The following FGF1 variants were observed in gnomAD, a reference collection of about 807,000 sequenced individuals.
FGF1 encodes beta-endothelial cell growth factor.
Under a neutral mutation model 13.4 loss-of-function variants are expected in FGF1, and 9 were observed. The ratio of observed to expected loss-of-function variants is 0.67; its 90% confidence interval spans 0.40 to 1.17. The LOEUF (loss-of-function observed/expected upper bound fraction) is 1.17. FGF1 is among the 50% of genes most tolerant of loss of function. The pLI, the probability that FGF1 is intolerant of heterozygous loss-of-function variation, is 0.01. For missense variants in FGF1, 156 were observed against 192.7 expected, an observed-to-expected ratio of 0.81 and a Z score of 1.13; for synonymous variants, 93 against 79.0, an observed-to-expected ratio of 1.18 and a Z score of -0.94.
chr5:142,650,400 ACTC>A (rs1767013513), intron 1 of FGF1, among the ~76,000 whole-genome samples: 1 of 152,138 alleles, frequency 6.6e-6, no homozygotes, highest in African/African-American at 2.4e-5. Context: ...TGGCCTCACC[ACTC>A]ACTTAGTGGC....
At chr5:142,651,021 G>C (rs941749943) in intron 1 of FGF1, among the ~76,000 whole-genome samples, 3 of 152,162 alleles carry the variant, frequency 2.0e-5, no homozygotes, top group African/African-American at 7.2e-5. Flanking sequence ...GTTAATGGGA[G>C]GGTGGTGCAA....
At chr5:142,653,789 A>C (rs1156926076) in intron 1 of FGF1, among the ~76,000 whole-genome samples, 1 of 152,206 alleles carries the variant, frequency 6.6e-6, no homozygotes, top group African/African-American at 2.4e-5. Context: ...CCATGAGGGC[A>C]GAGGCTTGAA....
chr5:142,614,560 G>GGA (rs1491006031), intron 1 of FGF1, among the ~76,000 whole-genome samples: 1 of 152,166 alleles, frequency 6.6e-6, no homozygotes, highest in Non-Finnish European at 1.5e-5. Context: ...CACAAAAGCT[G>GGA]AGAGGCCAGG....
intron 2 of FGF1, among the ~76,000 whole-genome samples, chr5:142,693,761 G>A (rs891054523): frequency 1.3e-5 from 2 of 152,144 alleles, no homozygotes; most frequent in South Asian, 2.1e-4. Flanking sequence ...TGTTCTGGCC[G>A]TTTCATATAA....
At chr5:142,636,756 T>C (rs906967194) in intron 1 of FGF1, among the ~76,000 whole-genome samples, 2 of 150,644 alleles carry the variant, frequency 1.3e-5, no homozygotes, top group Non-Finnish European at 2.9e-5. Flanking sequence ...CAGGTAAATG[T>C]GCAGAGGTCA....
chr5:142,671,635 C>CA (rs1247760899), intron 1 of FGF1, among the ~76,000 whole-genome samples: 7 of 152,198 alleles, frequency 4.6e-5, no homozygotes, highest in African/African-American at 1.7e-4. Context: ...GAAATATGGT[C>CA]AGAGGGTATT....
At chr5:142,626,746 C>CA (rs1457295757) in intron 1 of FGF1, 1 of 152,316 alleles carries the variant, frequency 6.6e-6, no homozygotes, top group African/African-American at 2.4e-5. Flanking sequence ...GGTGACCCTG[C>CA]AGCCTGTGAG....
intron 2 of FGF1, among the ~76,000 whole-genome samples, chr5:142,606,525 A>G (rs1757736867): frequency 6.6e-6 from 1 of 152,038 alleles, no homozygotes; most frequent in African/African-American, 2.4e-5. Flanking sequence ...CGGGAGGCTG[A>G]GGCGAGAGAA....
chr5:142,663,649 T>A (rs112283761), intron 1 of FGF1, among the ~76,000 whole-genome samples: 1 of 150,860 alleles, frequency 6.6e-6, no homozygotes, highest in African/African-American at 2.4e-5. Context: ...AGGAGGGAGG[T>A]CTTGGGGTCA....
intron 2 of FGF1, among the ~76,000 whole-genome samples, chr5:142,609,228 T>C (rs866294853): frequency 1.3e-5 from 2 of 152,178 alleles, no homozygotes; most frequent in South Asian, 4.1e-4. Context: ...GCTTGATTTA[T>C]AAATATTTGA....
chr5:142,600,469 A>AATC (rs751220187), intron 3 of FGF1, among the ~76,000 whole-genome samples: 1 of 152,256 alleles, frequency 6.6e-6, no homozygotes, highest in Non-Finnish European at 1.5e-5. Context: ...AACATCAATC[A>AATC]ATCTTTACTC....
chr5:142,645,311 G>A (rs1490098553), intron 1 of FGF1, among the ~76,000 whole-genome samples: 2 of 152,188 alleles, frequency 1.3e-5, no homozygotes, highest in African/African-American at 4.8e-5. Context: ...CTACACCTCC[G>A]AGTTAGCTCA....
chr5:142,692,971 T>C (rs1377024406), intron 2 of FGF1, among the ~76,000 whole-genome samples: 1 of 152,164 alleles, frequency 6.6e-6, no homozygotes, highest in Admixed American at 6.5e-5. Flanking sequence ...AATCTTAGAA[T>C]GGGAAACACT....
chr5:142,595,292 A>G lies in FGF1; in HGVS notation c.466T>C (p.Ter156GlnextTer32). Residue 156 changes from the stop codon to glutamine, a stop_lost, in exon 4 of 4, where the codon TAA becomes CAA. Coordinates refer to ENST00000337706, the MANE Select transcript of FGF1 (RefSeq NM_000800.5). Reference sequence around the variant, plus strand: ...GTCAACACCCAGAACAGATCTCTTTAATCAGAAGAGACTGGCAGGGGGAGA... The same window carrying G: ...GTCAACACCCAGAACAGATCTCTTTGATCAGAAGAGACTGGCAGGGGGAGA... ...LFLPLPVSSD[*>Q] 6.2e-7 allele frequency: 1 copy of G among 1,613,316 alleles called. No individual in the cohort carries two copies. The highest frequency in any genetic ancestry group is 8.5e-7 in the Non-Finnish European group (1 of 1,179,440).
At chr5:142,603,353 C>A (rs1052520856) in intron 2 of FGF1, among the ~76,000 whole-genome samples, 1 of 152,124 alleles carries the variant, frequency 6.6e-6, no homozygotes, top group Non-Finnish European at 1.5e-5. Context: ...TGACACTCTG[C>A]GCACGGGGTC....
intron 1 of FGF1, among the ~76,000 whole-genome samples, chr5:142,684,169 C>T (rs1428302474): frequency 6.6e-6 from 1 of 152,206 alleles, no homozygotes; most frequent in African/African-American, 2.4e-5. Flanking sequence ...ATGTGTAGTT[C>T]ACAGAATGCA....
chr5:142,672,192 T>C (rs1561727020), intron 1 of FGF1, among the ~76,000 whole-genome samples: 2 of 152,284 alleles, frequency 1.3e-5, no homozygotes, highest in South Asian at 4.1e-4. Context: ...CATAAATCAA[T>C]GTTACCAATA....
chr5:142,632,234 T>C (rs1763490562), intron 1 of FGF1, among the ~76,000 whole-genome samples: 2 of 152,196 alleles, frequency 1.3e-5, no homozygotes. Context: ...GCTCTTTTGG[T>C]TATAAAGAGA....
At chr5:142,680,847 G>A (rs963438771) in intron 1 of FGF1, 1 of 152,136 alleles carries the variant, frequency 6.6e-6, no homozygotes, top group Non-Finnish European at 1.5e-5. Context: ...CTTTAATTGT[G>A]CTCTGTGGAC....
Sources: gnomAD v4.1 joint callset for allele counts (sites outside exome capture counted in the v4.1 genomes callset) on GRCh38, gnomAD v4.1.1 for gene constraint, MANE v1.5 for transcripts, NCBI Gene and HGNC (gene_info 2026-07-23, HGNC 2026-07-21) for gene names.